The following CCDC171 variants were observed in gnomAD, a reference collection of about 807,000 sequenced individuals.
The protein encoded by CCDC171 is coiled-coil domain containing 171, also known as coiled-coil domain-containing protein 171.
CCDC171 carries 177 observed loss-of-function variants against 168.2 expected under a neutral mutation model. The ratio of observed to expected loss-of-function variants is 1.05; its 90% CI spans 0.93 to 1.19. The LOEUF (loss-of-function observed/expected upper bound fraction) is 1.19, where lower values mean the gene tolerates loss of function less well. CCDC171 is among the 50% of genes most tolerant of loss of function. The probability of loss-of-function intolerance (pLI) is 0.00; values close to 1 mark genes in which losing one functional copy is unlikely to be tolerated. For synonymous variants in CCDC171, 687 were observed against 540.8 expected, an observed-to-expected ratio of 1.27 and a Z score of -3.75; for missense variants, 1,991 against 1,539.0, an observed-to-expected ratio of 1.29 and a Z score of -4.91.
At chr9:15,957,695 G>T (rs1234077753) in intron 25 of CCDC171, among the ~76,000 whole-genome samples, 1 of 152,190 alleles carries the variant, frequency 6.6e-6, no homozygotes, top group Non-Finnish European at 1.5e-5. Context: ...TCTCAAGAGA[G>T]TATGAAAATT....
intron 25 of CCDC171, among the ~76,000 whole-genome samples, chr9:15,928,863 A>C (rs562955945): frequency 2.0e-5 from 3 of 151,782 alleles, no homozygotes; most frequent in Non-Finnish European, 4.4e-5. Flanking sequence ...AGTTGTTTGT[A>C]TAGGAAACAG....
At chr9:15,647,031 C>A (rs1012459682) in intron 7 of CCDC171, among the ~76,000 whole-genome samples, 7 of 152,284 alleles carry the variant, frequency 4.6e-5, no homozygotes, top group African/African-American at 1.7e-4. Context: ...TGCAAAAGAA[C>A]AGAAATTTTG....
chr9:15,849,791 C>T (rs2061050239), intron 23 of CCDC171, among the ~76,000 whole-genome samples: 1 of 151,724 alleles, frequency 6.6e-6, no homozygotes, highest in Non-Finnish European at 1.5e-5. Context: ...TTTTATAAGT[C>T]ACTTAAAATA....
At chr9:15,610,469 A>AAAAC in intron 6 of CCDC171, among the ~76,000 whole-genome samples, 1 of 136,272 alleles carries the variant, frequency 7.3e-6, no homozygotes, top group Non-Finnish European at 1.6e-5. Flanking sequence ...AAAAAAAAAA[A>AAAAC]AAAAAAAAAA....
chr9:15,695,236 CT>C lies in CCDC171; in HGVS notation c.1218del (p.Lys407ArgfsTer7), dbSNP rs1279653039. 2 of 1,612,174 alleles carry C rather than the reference CT, an allele frequency of 1.2e-6. No homozygotes were observed. The highest frequency in any genetic ancestry group is 1.7e-6 in the Non-Finnish European group (2 of 1,178,344). ...CSELQEELVM[A>X]KKHQAFLVET... ...TGTAATTTTTTTCTTAATTAAAAGG[CT>C]AAGAAGCACCAGGCCTTCCTAGTAG... On this transcript the variant is annotated frameshift_variant and splice_region_variant, in exon 11 of 26. Coordinates refer to ENST00000380701, the MANE Select transcript of CCDC171 (RefSeq NM_173550.4). LOFTEE classifies it high-confidence loss of function.
chr9:15,563,793 C>T (rs2039505858), intron 1 of CCDC171, among the ~76,000 whole-genome samples, 185 bp from the exon 2 acceptor site: 1 of 152,184 alleles, frequency 6.6e-6, no homozygotes, highest in Admixed American at 6.5e-5. Context: ...GAGATACAGT[C>T]TCCATCTCAG....
At chr9:15,834,513 A>G (rs559124698) in intron 21 of CCDC171, among the ~76,000 whole-genome samples, 3 of 152,326 alleles carry the variant, frequency 2.0e-5, no homozygotes, top group East Asian at 3.9e-4. Flanking sequence ...GGAAAACACC[A>G]TTATTTATTA....
chr9:16,093,519 T>A, the CCDC171 span, among the ~76,000 whole-genome samples: 1 of 152,232 alleles, frequency 6.6e-6, no homozygotes, highest in African/African-American at 2.4e-5. Context: ...TAGTCTGATC[T>A]CACATGCATT....
chr9:15,659,233 G>T (rs983464032), intron 8 of CCDC171, among the ~76,000 whole-genome samples: 3 of 152,156 alleles, frequency 2.0e-5, no homozygotes, highest in Non-Finnish European at 2.9e-5. Flanking sequence ...GCAACTGCCG[G>T]TAGCTTATCT....
At chr9:16,095,615 T>C in the CCDC171 span, among the ~76,000 whole-genome samples, 1 of 151,956 alleles carries the variant, frequency 6.6e-6, no homozygotes, top group Non-Finnish European at 1.5e-5. Flanking sequence ...AGGATAGTTA[T>C]TCTAAATCAC....
intron 14 of CCDC171, among the ~76,000 whole-genome samples, chr9:15,726,343 C>G (rs1010048680): frequency 1.3e-5 from 2 of 152,134 alleles, no homozygotes; most frequent in Non-Finnish European, 2.9e-5. Flanking sequence ...CTTGGTTTAT[C>G]ACAGCCCAAG....
chr9:15,789,632 AG>A lies in CCDC171; in HGVS notation c.3267+4941del, dbSNP rs556701300. ...TTTTTTAAATTATACTTTAAGTTCT[AG>A]GGTACATGTGCACAACGTGCAGAGT... On this transcript the variant is annotated intron_variant, in intron 21 of 25. Coordinates refer to ENST00000380701, the MANE Select transcript of CCDC171 (RefSeq NM_173550.4). 1.4e-3 allele frequency among the ~76,000 whole-genome samples: 211 copies of A among 152,312 alleles called. 1 individual carries two copies. The highest frequency in any genetic ancestry group is 4.8e-3 in the African/African-American group (200 of 41,566).
intron 21 of CCDC171, among the ~76,000 whole-genome samples, chr9:15,830,974 T>TC (rs1554640013): frequency 6.8e-6 from 1 of 147,322 alleles, no homozygotes; most frequent in African/African-American, 2.5e-5. Context: ...CTTAATTTTT[T>TC]TTTTTTTTTT....
the CCDC171 span, among the ~76,000 whole-genome samples, chr9:16,089,767 A>T: frequency 4.0e-3 from 615 of 152,280 alleles, 7 homozygotes; most frequent in African/African-American, 0.013. Context: ...AAAATGGGCA[A>T]AGGATATGAA....
At chr9:16,050,162 C>G (rs1227956792) in intron 1 of CCDC171, among the ~76,000 whole-genome samples, 2 of 152,036 alleles carry the variant, frequency 1.3e-5, no homozygotes, top group Non-Finnish European at 2.9e-5. Context: ...GCTGGGATTA[C>G]AGGCATGAGC....
intron 1 of CCDC171, among the ~76,000 whole-genome samples, chr9:15,563,699 A>G (rs2039498129): frequency 1.3e-5 from 2 of 152,154 alleles, no homozygotes; most frequent in Admixed American, 1.3e-4. Flanking sequence ...GTCCTAGGTC[A>G]GACTGTTCAG....
At chr9:15,668,308 G>C (rs1160315571) in intron 9 of CCDC171, among the ~76,000 whole-genome samples, 4 of 152,136 alleles carry the variant, frequency 2.6e-5, no homozygotes, top group Non-Finnish European at 2.9e-5. Context: ...TAAGCTCTGA[G>C]TCTAACCTAT....
intron 7 of CCDC171, among the ~76,000 whole-genome samples, chr9:15,623,685 C>T (rs1162828529): frequency 1.3e-5 from 2 of 152,128 alleles, no homozygotes; most frequent in Non-Finnish European, 2.9e-5. Context: ...AATTAACTCT[C>T]ATGGAATATT....
At chr9:16,096,341 C>T in the CCDC171 span, among the ~76,000 whole-genome samples, 5 of 152,212 alleles carry the variant, frequency 3.3e-5, no homozygotes, top group African/African-American at 1.2e-4. Flanking sequence ...AGGACAACCA[C>T]ATCCCAATTA....
Sources: gnomAD v4.1 joint callset for allele counts (sites outside exome capture counted in the v4.1 genomes callset) on GRCh38, gnomAD v4.1.1 for gene constraint, MANE v1.5 for transcripts, NCBI Gene and HGNC (gene_info 2026-07-23, HGNC 2026-07-21) for gene names.